ADK: variants seen among roughly 807,000 people sequenced by gnomAD.
ADK encodes the protein adenosine kinase.
In ADK, 24 loss-of-function variants were observed where a neutral mutation model predicts 44.7. The ratio of observed to expected loss-of-function variants is 0.54; its 90% CI spans 0.39 to 0.76. The LOEUF is 0.76. ADK is among the 30% of genes least tolerant of loss of function. ADK has a pLI of 0.00. For synonymous variants in ADK, 128 were observed against 142.6 expected (o/e 0.90, Z 0.73); for missense variants, 321 against 425.1 (o/e 0.76, Z 2.15).
chr10:74,636,980 A>G (rs941159656), intron 9 of ADK, among the ~76,000 whole-genome samples: 1 of 152,236 alleles, frequency 6.6e-6, no homozygotes, highest in Non-Finnish European at 1.5e-5. Context: ...CACATCACTA[A>G]GGGCAAAAGA....
At chr10:74,676,032 C>T (rs1855376079) in intron 10 of ADK, among the ~76,000 whole-genome samples, 2 of 124,244 alleles carry the variant, frequency 1.6e-5, no homozygotes, top group African/African-American at 6.0e-5. Flanking sequence ...CAAGAACCAA[C>T]ATTCTTAGAA....
intron 9 of ADK, among the ~76,000 whole-genome samples, chr10:74,645,154 C>G (rs1415590052): frequency 2.6e-5 from 4 of 152,122 alleles, no homozygotes; most frequent in Non-Finnish European, 5.9e-5. Context: ...TTGTCCATCC[C>G]CTACCCCCTG....
chr10:74,502,736 A>C (rs1847925204), intron 6 of ADK, among the ~76,000 whole-genome samples: 1 of 152,114 alleles, frequency 6.6e-6, no homozygotes, highest in South Asian at 2.1e-4. Flanking sequence ...TCAGGTTGGG[A>C]GTTAGAGATA....
intron 7 of ADK, among the ~76,000 whole-genome samples, chr10:74,571,025 T>G (rs1850935236): frequency 6.6e-6 from 1 of 152,172 alleles, no homozygotes; most frequent in African/African-American, 2.4e-5. Context: ...CAAAGGCCTT[T>G]TCTGCATCTA....
rs557876956 is a variant in ADK, at chr10:74,400,310, T to TA, written c.555+1734dup. 1.0e-3 allele frequency among the ~76,000 whole-genome samples: 158 copies of TA among 152,268 alleles called. 1 individual carries two copies. Among genetic ancestry groups the TA allele is most frequent in the African/African-American group, 3.7e-3 (154 of 41,566 alleles). ...AAGAATGATCTCTTACATTGCCAGGTAAATCTGTACTCTTCTCCTAGCTTG... is the reference window on the plus strand; with the variant it reads ...AAGAATGATCTCTTACATTGCCAGGTAAAATCTGTACTCTTCTCCTAGCTTG... On this transcript the variant is annotated intron_variant, in intron 6 of 10. Transcript: ENST00000539909.
intron 9 of ADK, chr10:74,655,242 TG>T: frequency 2.4e-6 from 1 of 408,926 alleles, no homozygotes; most frequent in Non-Finnish European, 4.8e-6. Flanking sequence ...TGGACAGGGA[TG>T]AGGCCACCCA....
At chr10:74,296,758 C>G (rs370826766) in intron 3 of ADK, among the ~76,000 whole-genome samples, 7 of 151,914 alleles carry the variant, frequency 4.6e-5, no homozygotes, top group South Asian at 4.2e-4. Flanking sequence ...ACTAGAGGCT[C>G]CCGTCACCAC....
intron 9 of ADK, among the ~76,000 whole-genome samples, chr10:74,653,946 G>A (rs1473269588): frequency 6.6e-6 from 1 of 152,128 alleles, no homozygotes; most frequent in Non-Finnish European, 1.5e-5. Flanking sequence ...TTGCCTTGTG[G>A]CATTATCATC....
At chr10:74,705,250 T>C (rs1266416741) in intron 10 of ADK, among the ~76,000 whole-genome samples, 2 of 148,034 alleles carry the variant, frequency 1.4e-5, no homozygotes, top group African/African-American at 2.5e-5. Context: ...CAGTTTCTCA[T>C]TATTATCTGC....
chr10:74,238,313 C>T (rs1219880957), intron 3 of ADK, among the ~76,000 whole-genome samples: 1 of 152,102 alleles, frequency 6.6e-6, no homozygotes, highest in Non-Finnish European at 1.5e-5. Flanking sequence ...TTCCTTATAA[C>T]TGAACAAAAA....
intron 9 of ADK, chr10:74,641,352 A>G (rs1170522677): frequency 6.6e-6 from 1 of 152,212 alleles, no homozygotes; most frequent in Non-Finnish European, 1.5e-5. Flanking sequence ...ACTAAAAAAA[A>G]TAACTTTTTA....
At chr10:74,419,341 T>G (rs949630657) in intron 6 of ADK, among the ~76,000 whole-genome samples, 3 of 152,142 alleles carry the variant, frequency 2.0e-5, no homozygotes, top group African/African-American at 7.2e-5. Flanking sequence ...CAAAAATCCC[T>G]TATTTAAATT....
intron 6 of ADK, chr10:74,506,142 T>A (rs1848065249): frequency 6.5e-6 from 1 of 153,872 alleles, no homozygotes; most frequent in African/African-American, 2.4e-5. Flanking sequence ...CTTATAGCAA[T>A]TCTGTACTCA....
chr10:74,584,102 T>C (rs551137972), intron 7 of ADK, among the ~76,000 whole-genome samples: 1 of 152,312 alleles, frequency 6.6e-6, no homozygotes, highest in South Asian at 2.1e-4. Context: ...GGGAGGAGAA[T>C]GTACAAGGAT....
intron 7 of ADK, among the ~76,000 whole-genome samples, chr10:74,568,830 G>T (rs950994320): frequency 2.0e-5 from 3 of 151,766 alleles, no homozygotes; most frequent in African/African-American, 7.3e-5. Context: ...CAACGTGCAG[G>T]TTAGTTACAT....
At chr10:74,285,954 T>C (rs961291072) in intron 3 of ADK, among the ~76,000 whole-genome samples, 2 of 152,332 alleles carry the variant, frequency 1.3e-5, no homozygotes, top group Middle Eastern at 3.4e-3. Context: ...ACATATACCC[T>C]TAAATATTCT....
chr10:74,559,069 G>A (rs1331381162), intron 7 of ADK, among the ~76,000 whole-genome samples: 2 of 152,216 alleles, frequency 1.3e-5, no homozygotes, highest in African/African-American at 4.8e-5. Context: ...TTCACACCAT[G>A]GCAGTCTGGC....
chr10:74,525,492 A>T, intron 7 of ADK, 66 bp downstream of exon 7: 1 of 1,348,216 alleles, frequency 7.4e-7, no homozygotes, highest in South Asian at 1.2e-5. Context: ...TGATGTGTGT[A>T]TATATGTTTA....
At chr10:74,169,088 G>A (rs750980909) in intron 1 of ADK, among the ~76,000 whole-genome samples, 1 of 152,032 alleles carries the variant, frequency 6.6e-6, no homozygotes, top group African/African-American at 2.4e-5. Context: ...GCATGGTGGC[G>A]TGCATATGTG....
Sources: gnomAD v4.1 joint callset for allele counts (sites outside exome capture counted in the v4.1 genomes callset) on GRCh38, gnomAD v4.1.1 for gene constraint, MANE v1.5 for transcripts, NCBI Gene and HGNC (gene_info 2026-07-23, HGNC 2026-07-21) for gene names.